The following MAMSTR variants were observed in gnomAD, a reference collection of about 807,000 sequenced individuals.
MAMSTR encodes MEF2-activating motif and SAP domain-containing transcriptional regulator.
Under a neutral mutation model 42.7 loss-of-function variants are expected in MAMSTR, and 41 were observed. The observed-to-expected ratio is 0.96, with a 90% CI of 0.75 to 1.25. MAMSTR has a LOEUF of 1.25. Ranked by LOEUF, MAMSTR falls within the 50% of genes most tolerant of loss-of-function variation. The probability of loss-of-function intolerance (pLI) is 0.00; values close to 1 mark genes in which losing one functional copy is unlikely to be tolerated. For missense variants in MAMSTR, 567 were observed against 557.6 expected, an observed-to-expected ratio of 1.02 and a Z score of -0.17; for synonymous variants, 265 against 244.1, an observed-to-expected ratio of 1.09 and a Z score of -0.80.
chr19:48,709,243 G>A (rs2032692930), downstream of MAMSTR, among the ~76,000 whole-genome samples: 1 of 152,170 alleles, frequency 6.6e-6, no homozygotes, highest in African/African-American at 2.4e-5. Flanking sequence ...CCGCCTCCCG[G>A]ATTCAAGTGA....
In MAMSTR at chr19:48,713,891, T is replaced by A; in HGVS notation, c.878A>T (p.Glu293Val). Reference protein sequence around the residue: ...GPGSAALTLEEELQEAIRRAQ... With the variant: ...GPGSAALTLEVELQEAIRRAQ... ...CCTCCGGATCGCTTCCTGCAGCTCC[T>A]CCTCCAGAGTCAGAGCCGCTGAGCC... Residue 293 changes from glutamate to valine, a missense_variant, in exon 8 of 10, where the codon GAG (glutamate) becomes GTG (valine). Glu to Val is a moderately radical substitution (Grantham distance 121, BLOSUM62 -2). Coordinates refer to ENST00000318083, the MANE Select transcript of MAMSTR (RefSeq NM_001130915.2). 1 of 1,611,534 alleles carries A rather than the reference T, an allele frequency of 6.2e-7. No homozygotes were observed. The highest frequency in any genetic ancestry group is 8.5e-7 in the Non-Finnish European group (1 of 1,178,240).
At position 48,714,851 on chromosome 19, in the gene MAMSTR, G is replaced by A. The variant is rs750096849; in HGVS notation, c.483C>T (p.Pro161=). Residue 161 remains proline (P), a synonymous_variant, in exon 6 of 10, where the codon CCC becomes CCT. Coordinates refer to ENST00000318083, the MANE Select transcript of MAMSTR (RefSeq NM_001130915.2). ...GGGTCTGAAGTTCCAACTTGTGTGG[G>A]GGGGGCGAGGGGCTAGGGACTCCTG... The part of the protein sequence containing the change: ...CPPGVPSPSP[P]PHKLELQTLK... 4 of 1,613,132 alleles carry A rather than the reference G, an allele frequency of 2.5e-6. No individual in the cohort carries two copies. Among genetic ancestry groups the A allele is most frequent in the Non-Finnish European group, 2.5e-6 (3 of 1,179,200 alleles).
At chr19:48,716,842 A>G (rs2033058144) in intron 2 of MAMSTR, 99 bp from the exon 3 acceptor site, 2 of 1,252,792 alleles carry the variant, frequency 1.6e-6, no homozygotes, top group Non-Finnish European at 1.0e-6. Flanking sequence ...TTGGCGGGAT[A>G]TGCGTGCCCA....
At chr19:48,715,551 C>A in intron 4 of MAMSTR, 74 bp downstream of exon 4, 1 of 1,485,252 alleles carries the variant, frequency 6.7e-7, no homozygotes. Flanking sequence ...CGAAGAGGAG[C>A]AAAAATGGCA....
chr19:48,710,684 CCT>C (rs1010186855), downstream of MAMSTR, among the ~76,000 whole-genome samples: 2 of 150,426 alleles, frequency 1.3e-5, no homozygotes, highest in African/African-American at 4.9e-5. Flanking sequence ...GCAACCTCCA[CCT>C]CCCAGATTCA....
chr19:48,714,757 A>T (rs529316315), intron 6 of MAMSTR, 49 bp downstream of exon 6: 2 of 1,443,082 alleles, frequency 1.4e-6, no homozygotes, highest in African/African-American at 2.8e-5. Flanking sequence ...GAATTCTGGG[A>T]CCCCACCGAA....
Position 48,715,252 on chromosome 19 carries a change from G to C in MAMSTR, c.425+10C>G, listed in dbSNP as rs111652958. The C allele has an allele frequency of 6.3e-7, 1 of 1,575,338 alleles. No individual in the cohort carries two copies. Among genetic ancestry groups the C allele is most frequent in the African/African-American group, 1.3e-5 (1 of 74,540 alleles). ...TCTGGGTCCCGGGAGAACAGAAGTGGGTGTCATACCTAGGATGTGGCTGCT... is the reference window on the plus strand; with the variant it reads ...TCTGGGTCCCGGGAGAACAGAAGTGCGTGTCATACCTAGGATGTGGCTGCT... On this transcript the variant is annotated intron_variant, in intron 5 of 9. Coordinates refer to ENST00000318083, the MANE Select transcript of MAMSTR (RefSeq NM_001130915.2).
At chr19:48,716,834 G>T in intron 2 of MAMSTR, 91 bp from the exon 3 acceptor site, 1 of 1,256,996 alleles carries the variant, frequency 8.0e-7, no homozygotes. Context: ...TGCAGTTGTT[G>T]GCGGGATATG....
chr19:48,716,028 C>G (rs1052080744), intron 3 of MAMSTR: 1 of 1,168,964 alleles, frequency 8.6e-7, no homozygotes, highest in Admixed American at 4.2e-5. Flanking sequence ...TGAGGTTTTG[C>G]TAGGACAGGG....
In MAMSTR at chr19:48,712,807, C is replaced by G. The variant is rs921341374; in HGVS notation, c.*460G>C. On this transcript the variant is annotated 3_prime_UTR_variant, in exon 10 of 10. Coordinates refer to ENST00000318083, the MANE Select transcript of MAMSTR (RefSeq NM_001130915.2). ...GCTTCCAAGAGAAGCTGATCTTAGA[C>G]CTGATGCTTCTAATTTTTTCATCTC... is the stretch of plus-strand genomic sequence containing the variant. The G allele has an allele frequency of 6.4e-6, 1 of 155,560 alleles. No individual in the cohort carries two copies. Among genetic ancestry groups the G allele is most frequent in the Non-Finnish European group, 1.4e-5 (1 of 70,524 alleles). The allele number at this position is 155,560 out of a possible 1,614,324, so 9.6% of individuals were successfully genotyped here.
chr19:48,706,391 A>G, the MAMSTR span, among the ~76,000 whole-genome samples: 3 of 151,922 alleles, frequency 2.0e-5, no homozygotes, highest in African/African-American at 7.2e-5. Context: ...TAATCCCAGC[A>G]CTTTGGGAAG....
At position 48,713,895 on chromosome 19, in the gene MAMSTR, C is replaced by G; in HGVS notation, c.874G>C (p.Glu292Gln). ...CGGATCGCTTCCTGCAGCTCCTCCT[C>G]CAGAGTCAGAGCCGCTGAGCCCGGC... ...SGPGSAALTL[E>Q]EELQEAIRRA... Residue 292 changes from glutamate (E) to glutamine (Q), a missense_variant, in exon 8 of 10, where the codon GAG becomes CAG. Transcript: ENST00000318083. The G allele has an allele frequency of 1.2e-6, 2 of 1,612,212 alleles. No individual in the cohort carries two copies. The highest frequency in any genetic ancestry group is 1.7e-6 in the Non-Finnish European group (2 of 1,178,734).
downstream of MAMSTR, among the ~76,000 whole-genome samples, chr19:48,711,839 G>A (rs567354637): frequency 3.5e-4 from 49 of 140,696 alleles, no homozygotes; most frequent in Non-Finnish European, 5.0e-4. Flanking sequence ...TCCGCCTCCC[G>A]GGTTCACGCC....
At chr19:48,709,616 C>T (rs946378235), downstream of MAMSTR, among the ~76,000 whole-genome samples, 2 of 152,138 alleles carry the variant, frequency 1.3e-5, no homozygotes, top group African/African-American at 4.8e-5. Context: ...GTGCGGGCCT[C>T]GATGACTCTG....
At chr19:48,707,565 ACT>A in the MAMSTR span, among the ~76,000 whole-genome samples, 1 of 150,626 alleles carries the variant, frequency 6.6e-6, no homozygotes, top group Non-Finnish European at 1.5e-5. Context: ...ACATGGTGAA[ACT>A]CTGTCTGTGC....
rs1366112888 is a variant in MAMSTR, at chr19:48,714,553, T to G, written c.536A>C (p.Glu179Ala). 2.1e-6 allele frequency: 3 copies of G among 1,463,028 alleles called. No homozygotes were observed. Among genetic ancestry groups the G allele is most frequent in the Non-Finnish European group, 8.9e-7 (1 of 1,120,316 alleles). 90.6% of individuals were successfully genotyped at this position (1,463,028 alleles called of 1,614,324 possible). Residue 179 changes from glutamate (E) to alanine (A), a missense_variant, in exon 7 of 10, where the codon GAG (glutamate) becomes GCG (alanine). Physicochemically the swap from Glu to Ala is moderately radical, Grantham distance 107. Transcript: ENST00000318083. Reference sequence around the variant, plus strand: ...CCGCAGGCGCAGCTGCTGCCGGAGCTCTGAGACCTGGGGAGGGGCGGGGCG... The same window carrying G: ...CCGCAGGCGCAGCTGCTGCCGGAGCGCTGAGACCTGGGGAGGGGCGGGGCG... ...TLKLEELTVS[E>A]LRQQLRLRGL...
intron 2 of MAMSTR, among the ~76,000 whole-genome samples, chr19:48,717,526 TTAAC>T (rs2033090094): frequency 6.9e-6 from 1 of 144,488 alleles, no homozygotes; most frequent in Admixed American, 7.4e-5. Flanking sequence ...AGGATGAATG[TTAAC>T]TATCTTTTTT....
At chr19:48,715,843 G>A in intron 3 of MAMSTR, 76 bp from the exon 4 acceptor site, 2 of 1,491,318 alleles carry the variant, frequency 1.3e-6, no homozygotes, top group Non-Finnish European at 1.8e-6. Flanking sequence ...TGTGTGGAAA[G>A]CGGGGCTCCA....
Position 48,713,984 on chromosome 19 carries a change from G to T in MAMSTR, c.785C>A (p.Thr262Lys). The T allele has an allele frequency of 6.2e-7, 1 of 1,612,610 alleles. No individual in the cohort carries two copies. The change falls in exon 8 of 10, where the codon ACG becomes AAG. Residue 262 changes from threonine (T) to lysine (K), a missense_variant. Coordinates refer to ENST00000318083, the MANE Select transcript of MAMSTR (RefSeq NM_001130915.2). The stretch of plus-strand genomic sequence containing the variant: ...CGGAGTGGGAGTTGGAGCCGGAGCC[G>T]TCCCCGGGGTATCCGCGGCACGTGG... ...PLPRAADTPGTAPAPTPTPAP... is the reference protein window; with the variant it reads ...PLPRAADTPGKAPAPTPTPAP...
Sources: allele counts gnomAD v4.1 joint callset (sites outside exome capture counted in the v4.1 genomes callset), GRCh38; gene constraint gnomAD v4.1.1; transcripts MANE v1.5; gene names NCBI Gene and HGNC (gene_info 2026-07-23, HGNC 2026-07-21).